The following LDLRAD3 variants were observed in gnomAD, a reference collection of about 807,000 sequenced individuals.
LDLRAD3 encodes low-density lipoprotein receptor class A domain-containing protein 3.
A neutral mutation model predicts 29.4 loss-of-function variants in LDLRAD3; 20 were observed. The observed-to-expected ratio is 0.68, with a 90% CI of 0.48 to 0.99. LDLRAD3 has a LOEUF of 0.99. Among genes scored for constraint, LDLRAD3 ranks in the 50% least tolerant of loss-of-function variants. The pLI is 0.00. For missense variants in LDLRAD3, 420 were observed against 454.3 expected (o/e 0.92, Z 0.69); for synonymous variants, 157 against 192.7 (o/e 0.81, Z 1.53).
At chr11:36,183,464 C>T (rs1369350007) in intron 4 of LDLRAD3, among the ~76,000 whole-genome samples, 1 of 152,142 alleles carries the variant, frequency 6.6e-6, no homozygotes, top group African/African-American at 2.4e-5. Flanking sequence ...CACACTCTGT[C>T]CAGCTATGCT....
chr11:36,136,020 C>T (rs1853999032), intron 4 of LDLRAD3, among the ~76,000 whole-genome samples: 1 of 152,236 alleles, frequency 6.6e-6, no homozygotes. Context: ...CGTGGATCAA[C>T]ACTACCAACA....
chr11:36,072,035 T>A (rs1419366262), intron 2 of LDLRAD3, among the ~76,000 whole-genome samples: 1 of 152,234 alleles, frequency 6.6e-6, no homozygotes, highest in East Asian at 1.9e-4. Context: ...AGCTATGTCT[T>A]GTGTTTATAA....
intron 2 of LDLRAD3, among the ~76,000 whole-genome samples, chr11:36,057,041 G>T (rs911943534): frequency 1.3e-5 from 2 of 152,264 alleles, no homozygotes; most frequent in African/African-American, 4.8e-5. Context: ...AGCCACAAGG[G>T]TCTAGAGTTT....
chr11:36,048,295 G>A (rs1852481171), intron 2 of LDLRAD3, among the ~76,000 whole-genome samples: 1 of 152,168 alleles, frequency 6.6e-6, no homozygotes, highest in Non-Finnish European at 1.5e-5. Flanking sequence ...GGGATCTCTT[G>A]ATAGTCTGGT....
intron 4 of LDLRAD3, among the ~76,000 whole-genome samples, chr11:36,142,923 C>G (rs1468679321): frequency 6.6e-6 from 1 of 152,164 alleles, no homozygotes; most frequent in Non-Finnish European, 1.5e-5. Context: ...TCATGGAACC[C>G]AGGGGAAAAG....
chr11:35,994,486 A>C (rs901596989), intron 1 of LDLRAD3, among the ~76,000 whole-genome samples: 4 of 152,112 alleles, frequency 2.6e-5, no homozygotes, highest in Non-Finnish European at 5.9e-5. Context: ...TCTAGCCTTC[A>C]GTCAGTTTTA....
At chr11:35,980,192 A>G (rs1728755103) in intron 1 of LDLRAD3, among the ~76,000 whole-genome samples, 1 of 152,222 alleles carries the variant, frequency 6.6e-6, no homozygotes, top group Non-Finnish European at 1.5e-5. Flanking sequence ...ACTATGTGGT[A>G]GATATTATCC....
intron 1 of LDLRAD3, among the ~76,000 whole-genome samples, chr11:36,002,153 C>T (rs1851833087): frequency 6.6e-6 from 1 of 152,220 alleles, no homozygotes; most frequent in East Asian, 1.9e-4. Flanking sequence ...TATTTAACTA[C>T]TCCCTGCTTT....
chr11:36,042,981 A>T (rs1400347581), intron 2 of LDLRAD3, among the ~76,000 whole-genome samples: 1 of 151,630 alleles, frequency 6.6e-6, no homozygotes, highest in Non-Finnish European at 1.5e-5. Context: ...TAGCAAACTA[A>T]TACGACCATC....
intron 1 of LDLRAD3, among the ~76,000 whole-genome samples, chr11:35,976,892 G>T (rs564881267): frequency 1.3e-5 from 2 of 152,282 alleles, no homozygotes; most frequent in African/African-American, 4.8e-5. Flanking sequence ...GCATGCATGT[G>T]TCTGTGTTTA....
At chr11:35,994,368 G>C (rs1313112130) in intron 1 of LDLRAD3, among the ~76,000 whole-genome samples, 2 of 139,306 alleles carry the variant, frequency 1.4e-5, no homozygotes, top group Non-Finnish European at 3.1e-5. Flanking sequence ...AAAAAAAAGT[G>C]ATGTTTACAC....
chr11:36,141,034 CT>C (rs1323513551), intron 4 of LDLRAD3, among the ~76,000 whole-genome samples: 31 of 145,732 alleles, frequency 2.1e-4, no homozygotes, highest in African/African-American at 7.0e-4. Flanking sequence ...CTCTCTCTCT[CT>C]CCGTGTGGGG....
chr11:36,056,827 G>A (rs781697645), intron 2 of LDLRAD3, among the ~76,000 whole-genome samples: 2 of 152,068 alleles, frequency 1.3e-5, no homozygotes, highest in Non-Finnish European at 2.9e-5. Context: ...TCTGGCAGGA[G>A]GGTACACGAT....
chr11:36,072,829 G>T (rs1852929823), intron 2 of LDLRAD3, among the ~76,000 whole-genome samples: 3 of 152,208 alleles, frequency 2.0e-5, no homozygotes, highest in African/African-American at 7.2e-5. Context: ...ACAACCTGGA[G>T]ACACTGGAAT....
intron 4 of LDLRAD3, among the ~76,000 whole-genome samples, chr11:36,104,416 T>C (rs1166638849): frequency 6.6e-6 from 1 of 152,176 alleles, no homozygotes; most frequent in African/African-American, 2.4e-5. Context: ...TTTAAACCTC[T>C]AAGTTTTGGG....
intron 4 of LDLRAD3, among the ~76,000 whole-genome samples, chr11:36,226,295 G>C (rs933673496): frequency 5.9e-5 from 9 of 152,152 alleles, no homozygotes; most frequent in African/African-American, 2.2e-4. Context: ...GAGGGGCTGG[G>C]ATTTGAGCCC....
At chr11:36,054,536 C>T (rs527610130) in intron 2 of LDLRAD3, among the ~76,000 whole-genome samples, 141 of 152,366 alleles carry the variant, frequency 9.3e-4, no homozygotes, top group Middle Eastern at 3.4e-3. Context: ...GAAACATGCC[C>T]TCTGGCATCT....
intron 1 of LDLRAD3, among the ~76,000 whole-genome samples, chr11:35,951,892 C>T (rs1851139872): frequency 6.6e-6 from 1 of 152,202 alleles, no homozygotes; most frequent in Non-Finnish European, 1.5e-5. Context: ...CTTCCGCCCA[C>T]CCTGTGCTTT....
At chr11:36,156,176 A>C (rs1854348417) in intron 4 of LDLRAD3, among the ~76,000 whole-genome samples, 2 of 152,190 alleles carry the variant, frequency 1.3e-5, no homozygotes, top group African/African-American at 2.4e-5. Context: ...GTATAACCTC[A>C]TCAACAGCTA....
Sources: gnomAD v4.1 joint callset for allele counts (sites outside exome capture counted in the v4.1 genomes callset) on GRCh38, gnomAD v4.1.1 for gene constraint, MANE v1.5 for transcripts, NCBI Gene and HGNC (gene_info 2026-07-23, HGNC 2026-07-21) for gene names.